Variants in BRINP3 observed in about 807,000 individuals in gnomAD.
The protein encoded by BRINP3 is BMP/retinoic acid inducible neural specific 3.
In BRINP3, 19 loss-of-function variants were observed where a neutral mutation model predicts 71.0. The ratio of observed to expected loss-of-function variants is 0.27; its 90% CI spans 0.19 to 0.39. The LOEUF is 0.39. Ranked by LOEUF, BRINP3 falls within the 10% of genes least tolerant of loss-of-function variation. BRINP3 has a pLI of 1.00. For missense variants in BRINP3, 959 were observed against 940.8 expected, an observed-to-expected ratio of 1.02 and a Z score of -0.25; for synonymous variants, 380 against 337.7, an observed-to-expected ratio of 1.13 and a Z score of -1.37.
intron 2 of BRINP3, among the ~76,000 whole-genome samples, chr1:190,373,244 G>T (rs1302174779): frequency 6.6e-6 from 1 of 151,940 alleles, no homozygotes; most frequent in Admixed American, 6.6e-5. Context: ...ACAAAAATTA[G>T]CCAGGCGTGG....
chr1:190,395,107 T>C (rs1264489136), intron 2 of BRINP3, among the ~76,000 whole-genome samples: 1 of 151,808 alleles, frequency 6.6e-6, no homozygotes, highest in African/African-American at 2.4e-5. Flanking sequence ...CAGCTATTTA[T>C]TTCTCATATC....
chr1:190,191,787 G>A (rs748215731), intron 6 of BRINP3, among the ~76,000 whole-genome samples: 2 of 151,874 alleles, frequency 1.3e-5, no homozygotes, highest in Non-Finnish European at 2.9e-5. Context: ...AGTGTCCTAA[G>A]GCATAATTTG....
chr1:190,327,352 G>GAAAAAAAAAAAAAAAAAAAAAAA (rs796445574), intron 2 of BRINP3, among the ~76,000 whole-genome samples: 2 of 77,444 alleles, frequency 2.6e-5, no homozygotes, highest in Non-Finnish European at 5.6e-5. Flanking sequence ...AAAAAAAAAG[G>GAAAAAAAAAAAAAAAAAAAAAAA]AAAAAAAAAA....
chr1:190,464,306 A>T (rs182895243), intron 1 of BRINP3, among the ~76,000 whole-genome samples: 1 of 152,070 alleles, frequency 6.6e-6, no homozygotes, highest in East Asian at 1.9e-4. Flanking sequence ...TTCAAAGACA[A>T]ATGTCTTGGT....
At chr1:190,469,931 T>C (rs918858262) in intron 1 of BRINP3, among the ~76,000 whole-genome samples, 1 of 151,120 alleles carries the variant, frequency 6.6e-6, no homozygotes, top group African/African-American at 2.4e-5. Flanking sequence ...TTTAATTTAA[T>C]CACATTTTTT....
intron 7 of BRINP3, among the ~76,000 whole-genome samples, chr1:190,108,690 C>T (rs1652406944): frequency 6.7e-6 from 1 of 150,324 alleles, no homozygotes; most frequent in Admixed American, 6.7e-5. Context: ...TATCTCACAT[C>T]TACATAGAAA....
rs111927446 is a variant in BRINP3 at position 190,400,495 on chromosome 1, G to A, written c.236+54160C>T. 5.2e-3 allele frequency among the ~76,000 whole-genome samples: 797 copies of A among 152,216 alleles called. 8 individuals carry two copies. The highest frequency in any genetic ancestry group is 0.018 in the African/African-American group (745 of 41,542). On this transcript the variant is annotated intron_variant, in intron 2 of 7. Transcript: ENST00000367462. ...GAAAGTTTAATTCTAGGAAAATTCC[G>A]GTTGTTTCAAAAAACTATCCAATGC...
intron 3 of BRINP3, among the ~76,000 whole-genome samples, chr1:190,281,161 G>A (rs1026400287): frequency 1.3e-5 from 2 of 151,912 alleles, no homozygotes; most frequent in Non-Finnish European, 2.9e-5. Flanking sequence ...CTAAAATGGT[G>A]CTAACAATGT....
At chr1:190,298,159 C>A (rs370133010) in intron 2 of BRINP3, among the ~76,000 whole-genome samples, 6 of 151,986 alleles carry the variant, frequency 3.9e-5, no homozygotes, top group East Asian at 1.9e-4. Flanking sequence ...TTAATTAATT[C>A]TTTATATCCA....
chr1:190,311,271 A>G (rs753773485), intron 2 of BRINP3, among the ~76,000 whole-genome samples: 2 of 151,634 alleles, frequency 1.3e-5, no homozygotes, highest in African/African-American at 4.8e-5. Flanking sequence ...TGCCTTGAAA[A>G]CTGACAATGA....
rs567359669 is a variant in BRINP3 at position 190,187,370 on chromosome 1, A to AT, written c.962-26481dup. On this transcript the variant is annotated intron_variant, in intron 6 of 7. Transcript: ENST00000367462. ...GATTTGTTTCCTTTAAGTGCAGAAT[A>AT]TTTTTTTATTTTTATGTAATCCTAT... Among the ~76,000 whole-genome samples, 37 of 152,008 alleles carry AT rather than the reference A, an allele frequency of 2.4e-4. 1 individual carries two copies. The South Asian group carries it at 6.4e-3, about 26-fold the overall frequency.
At chr1:190,320,947 T>C (rs1333458527) in intron 2 of BRINP3, among the ~76,000 whole-genome samples, 2 of 151,866 alleles carry the variant, frequency 1.3e-5, no homozygotes, top group African/African-American at 2.4e-5. Flanking sequence ...TATATATGTA[T>C]ATATGTTATA....
chr1:190,383,281 G>A (rs1410688972), intron 2 of BRINP3, among the ~76,000 whole-genome samples: 3 of 151,970 alleles, frequency 2.0e-5, no homozygotes, highest in Non-Finnish European at 4.4e-5. Flanking sequence ...ATTATTCATG[G>A]AAGTCATTAT....
chr1:190,234,149 T>C (rs1219459262), intron 5 of BRINP3, among the ~76,000 whole-genome samples: 1 of 152,174 alleles, frequency 6.6e-6, no homozygotes, highest in Non-Finnish European at 1.5e-5. Flanking sequence ...TCAATTGCTA[T>C]AGCTTAGTTA....
At chr1:190,198,772 T>C (rs1654726367) in intron 6 of BRINP3, among the ~76,000 whole-genome samples, 1 of 152,178 alleles carries the variant, frequency 6.6e-6, no homozygotes, top group Admixed American at 6.5e-5. Context: ...AAAAACAAAA[T>C]CAACAAGTCT....
chr1:190,379,998 A>AAG (rs1670441985), intron 2 of BRINP3, among the ~76,000 whole-genome samples: 1 of 11,446 alleles, frequency 8.7e-5, no homozygotes, highest in Non-Finnish European at 3.1e-4. Context: ...ACTCCACCTC[A>AAG]AAAAAAAAAA....
chr1:190,326,054 G>A (rs1666557855), intron 2 of BRINP3, among the ~76,000 whole-genome samples: 1 of 151,874 alleles, frequency 6.6e-6, no homozygotes, highest in Non-Finnish European at 1.5e-5. Context: ...AAGTAATCCA[G>A]GAAATTAAGG....
At chr1:190,358,245 T>G (rs1668874843) in intron 2 of BRINP3, among the ~76,000 whole-genome samples, 1 of 152,004 alleles carries the variant, frequency 6.6e-6, no homozygotes, top group South Asian at 2.1e-4. Flanking sequence ...GGGAGAAAAT[T>G]TTTGCAATCT....
intron 2 of BRINP3, among the ~76,000 whole-genome samples, chr1:190,441,675 T>C (rs547019095): frequency 3.9e-5 from 6 of 152,302 alleles, no homozygotes; most frequent in Admixed American, 1.3e-4. Flanking sequence ...AAGAAAATTA[T>C]TGACAGATTT....
Sources: gnomAD v4.1 joint callset for allele counts (sites outside exome capture counted in the v4.1 genomes callset) on GRCh38, gnomAD v4.1.1 for gene constraint, MANE v1.5 for transcripts, NCBI Gene and HGNC (gene_info 2026-07-23, HGNC 2026-07-21) for gene names.